The following DAB1 variants were observed in gnomAD, a reference collection of about 807,000 sequenced individuals.
DAB1 encodes the protein disabled homolog 1.
In DAB1, 15 loss-of-function variants were observed where a neutral mutation model predicts 64.6. That is an observed-to-expected ratio of 0.23 (90% confidence interval 0.16 to 0.36). The LOEUF is 0.36. DAB1 is among the 10% of genes least tolerant of loss of function. The pLI is 1.00. For synonymous variants in DAB1, 235 were observed against 251.9 expected, an observed-to-expected ratio of 0.93 and a Z score of 0.64; for missense variants, 596 against 706.7, an observed-to-expected ratio of 0.84 and a Z score of 1.78.
At chr1:58,459,311 C>A (rs1278405995) in intron 3 of DAB1, among the ~76,000 whole-genome samples, 3 of 152,204 alleles carry the variant, frequency 2.0e-5, no homozygotes, top group Non-Finnish European at 4.4e-5. Flanking sequence ...AGCTGGGTAG[C>A]CCTGGCTCAG....
At chr1:57,306,754 A>C (rs1157488796) in intron 1 of DAB1, 3 of 152,192 alleles carry the variant, frequency 2.0e-5, no homozygotes, top group Non-Finnish European at 4.4e-5. Context: ...ATTTTTAAAA[A>C]TGGACTCTTT....
chr1:58,366,257 G>A (rs541024755), intron 3 of DAB1, among the ~76,000 whole-genome samples: 110 of 152,250 alleles, frequency 7.2e-4, no homozygotes, highest in Non-Finnish European at 1.2e-3. Context: ...ACTACGGGAT[G>A]GCTGAGTGTT....
intron 5 of DAB1, among the ~76,000 whole-genome samples, chr1:57,908,294 A>C (rs1644587834): frequency 6.6e-6 from 1 of 151,984 alleles, no homozygotes; most frequent in South Asian, 2.1e-4. Context: ...GCCTGATTGG[A>C]GTTACTCATC....
chr1:57,406,887 A>G (rs1345928527), intron 1 of DAB1, among the ~76,000 whole-genome samples: 1 of 152,248 alleles, frequency 6.6e-6, no homozygotes, highest in African/African-American at 2.4e-5. Context: ...AGTCACCATC[A>G]TATCAGCAAA....
In DAB1 at chr1:58,024,823, G is replaced by A. The variant is rs1557614510; in HGVS notation, n.387+125688C>T. 2.0e-5 allele frequency among the ~76,000 whole-genome samples: 3 copies of A among 152,148 alleles called. No individual in the cohort carries two copies. The East Asian group carries it at 5.8e-4, about 29-fold the overall frequency. On this transcript the variant is annotated intron_variant and non_coding_transcript_variant, in intron 5 of 20. Transcript: ENST00000485760. ...AAGACCTGAACAGAACAAAAAGGCT[G>A]AGTAAGTAGGAATTTCTTTCTGCCT...
At chr1:58,373,279 G>A (rs12118728) in intron 3 of DAB1, among the ~76,000 whole-genome samples, 6,147 of 141,712 alleles carry the variant, frequency 0.043, 245 homozygotes, top group East Asian at 0.19. Context: ...CCACTAACTC[G>A]TCATCTAGCA....
At chr1:58,337,478 A>G (rs572559125) in intron 4 of DAB1, among the ~76,000 whole-genome samples, 11 of 152,146 alleles carry the variant, frequency 7.2e-5, no homozygotes, top group Non-Finnish European at 1.2e-4. Flanking sequence ...TTTGGAATAA[A>G]TCATTGGTAG....
chr1:57,196,547 A>G (rs543591141), intron 2 of DAB1, among the ~76,000 whole-genome samples: 3 of 152,194 alleles, frequency 2.0e-5, no homozygotes, highest in Non-Finnish European at 2.9e-5. Context: ...GGCTTTAATA[A>G]TTCTTGGTCT....
intron 3 of DAB1, among the ~76,000 whole-genome samples, chr1:58,446,046 G>A (rs1645062286): frequency 6.6e-6 from 1 of 152,138 alleles, no homozygotes; most frequent in Non-Finnish European, 1.5e-5. Flanking sequence ...GACATCCCCG[G>A]TCCCGGACAA....
chr1:57,682,373 A>G (rs1328545103), intron 6 of DAB1, among the ~76,000 whole-genome samples: 5 of 148,354 alleles, frequency 3.4e-5, no homozygotes, highest in African/African-American at 1.3e-4. Context: ...AGCAGATAAA[A>G]GACAAGATGG....
chr1:58,021,940 G>A (rs1255923253), intron 5 of DAB1, among the ~76,000 whole-genome samples: 1 of 152,158 alleles, frequency 6.6e-6, no homozygotes, highest in Admixed American at 6.5e-5. Context: ...AGAGTAGGTG[G>A]CTTAAACTAT....
At chr1:57,265,706 C>T (rs1026788437) in intron 2 of DAB1, among the ~76,000 whole-genome samples, 2 of 152,142 alleles carry the variant, frequency 1.3e-5, no homozygotes, top group African/African-American at 2.4e-5. Flanking sequence ...AAAACCAGCA[C>T]TCGTGGACGG....
chr1:57,519,489 C>A (rs995080411), intron 7 of DAB1, among the ~76,000 whole-genome samples: 1 of 152,060 alleles, frequency 6.6e-6, no homozygotes, highest in African/African-American at 2.4e-5. Flanking sequence ...CCCCTATTTG[C>A]GGGTGACAAA....
At chr1:57,126,133 A>C (rs897932310) in intron 4 of DAB1, among the ~76,000 whole-genome samples, 1 of 151,238 alleles carries the variant, frequency 6.6e-6, no homozygotes, top group South Asian at 2.1e-4. Flanking sequence ...CCAGCTTGGC[A>C]TGGTTATTCT....
intron 5 of DAB1, among the ~76,000 whole-genome samples, chr1:58,016,005 T>TG (rs747636860): frequency 0.013 from 1,936 of 151,090 alleles, 19 homozygotes; most frequent in Middle Eastern, 0.024. Flanking sequence ...ACAAACAGCC[T>TG]AGGGGGGGGT....
chr1:57,316,677 T>A (rs751608177), intron 1 of DAB1, among the ~76,000 whole-genome samples: 1 of 152,066 alleles, frequency 6.6e-6, no homozygotes. Context: ...AAGTTGAAGA[T>A]TGGCCAAAGT....
intron 7 of DAB1, among the ~76,000 whole-genome samples, chr1:57,496,592 T>C (rs906213647): frequency 2.6e-5 from 4 of 152,154 alleles, no homozygotes; most frequent in African/African-American, 7.2e-5. Flanking sequence ...AACATTAAAA[T>C]AGACTCAGAA....
chr1:57,701,259 G>A (rs965519342), intron 6 of DAB1, among the ~76,000 whole-genome samples: 2 of 152,066 alleles, frequency 1.3e-5, no homozygotes, highest in African/African-American at 4.8e-5. Context: ...GCACACGTAT[G>A]TTTATTGCAG....
chr1:58,309,059 A>C (rs1237639096), intron 4 of DAB1, among the ~76,000 whole-genome samples: 1 of 152,220 alleles, frequency 6.6e-6, no homozygotes, highest in Non-Finnish European at 1.5e-5. Flanking sequence ...TGAAGAAGAA[A>C]GAAGAAGAAA....
Sources: allele counts gnomAD v4.1 joint callset (sites outside exome capture counted in the v4.1 genomes callset), GRCh38; gene constraint gnomAD v4.1.1; transcripts MANE v1.5; gene names NCBI Gene and HGNC (gene_info 2026-07-23, HGNC 2026-07-21).